TRPM3: variants seen among roughly 807,000 people sequenced by gnomAD.
TRPM3 encodes long transient receptor potential channel 3.
In TRPM3, 77 loss-of-function variants were observed where a neutral mutation model predicts 181.2. The observed-to-expected ratio is 0.42, with a 90% confidence interval of 0.35 to 0.51. The LOEUF (loss-of-function observed/expected upper bound fraction) is 0.51. Ranked by LOEUF, TRPM3 falls within the 20% of genes least tolerant of loss-of-function variation. The pLI is 0.01. For missense variants in TRPM3, 1,759 were observed against 2,196.7 expected (o/e 0.80, Z 3.98); for synonymous variants, 745 against 796.4 (o/e 0.94, Z 1.09).
chr9:71,354,583 C>T (rs1379263129), intron 1 of TRPM3, among the ~76,000 whole-genome samples: 6 of 152,212 alleles, frequency 3.9e-5, no homozygotes, highest in African/African-American at 1.4e-4. Context: ...AGCTTGTCAG[C>T]TTTTCAATTA....
At chr9:71,176,499 A>G (rs1477575092) in intron 1 of TRPM3, among the ~76,000 whole-genome samples, 1 of 152,212 alleles carries the variant, frequency 6.6e-6, no homozygotes, top group East Asian at 1.9e-4. Context: ...TTATTACAAA[A>G]GAGTCAGGAA....
intron 1 of TRPM3, among the ~76,000 whole-genome samples, chr9:71,117,665 C>T (rs1477097182): frequency 6.6e-6 from 1 of 152,138 alleles, no homozygotes; most frequent in African/African-American, 2.4e-5. Context: ...AGTGTCCAGG[C>T]TGACTTTTCC....
At chr9:71,367,657 G>C (rs745832828) in intron 1 of TRPM3, among the ~76,000 whole-genome samples, 1 of 152,032 alleles carries the variant, frequency 6.6e-6, no homozygotes, top group East Asian at 1.9e-4. Context: ...TAAGCTCATC[G>C]AAACCATCAA....
rs75709926 is a variant in TRPM3 at position 71,231,502 on chromosome 9, G to T, written c.183+215151C>A. ...CCTGCTGACCTACTTGAAGACTTTT[G>T]ACCTCCAGAATTCTGAGAGAACAGA... On this transcript the variant is annotated intron_variant, in intron 1 of 24. Coordinates refer to the TRPM3 transcript ENST00000357533. Among the ~76,000 whole-genome samples the T allele has an allele frequency of 4.6e-3, 701 of 152,214 alleles. 2 individuals carry two copies. Among genetic ancestry groups the T allele is most frequent in the Non-Finnish European group, 8.1e-3 (552 of 68,004 alleles).
chr9:71,067,116 G>A (rs2062031856), intron 1 of TRPM3, among the ~76,000 whole-genome samples: 1 of 152,062 alleles, frequency 6.6e-6, no homozygotes, highest in African/African-American at 2.4e-5. Flanking sequence ...TACCCCCACA[G>A]GCCTAAAACC....
In TRPM3 at chr9:70,529,451, G is replaced by A. The variant is rs551797047; in HGVS notation, c.*6502C>T. ...AGTCTAGGTCCTATATTATGAAATGGCTATGAGTACAGTATACTGCACGTA... is the reference window on the plus strand; with the variant it reads ...AGTCTAGGTCCTATATTATGAAATGACTATGAGTACAGTATACTGCACGTA... On this transcript the variant is annotated 3_prime_UTR_variant, in exon 26 of 26. Transcript: ENST00000677713. The A allele has an allele frequency of 6.6e-6, 1 of 152,232 alleles. No individual in the cohort carries two copies. Among genetic ancestry groups the A allele is most frequent in the African/African-American group, 2.4e-5 (1 of 41,550 alleles). 9.4% of individuals were successfully genotyped at this position (152,232 alleles called of 1,614,324 possible). A position where few individuals can be genotyped will look rare whatever the true frequency, so the allele number is the denominator to read the frequency against.
intron 1 of TRPM3, among the ~76,000 whole-genome samples, chr9:71,177,571 C>A (rs908117768): frequency 6.6e-6 from 1 of 152,012 alleles, no homozygotes. Context: ...TACGACTGTA[C>A]ATTAAAGACC....
intron 1 of TRPM3, among the ~76,000 whole-genome samples, chr9:71,128,883 C>T (rs1341887015): frequency 1.3e-5 from 2 of 152,168 alleles, no homozygotes; most frequent in Non-Finnish European, 2.9e-5. Context: ...TATACCTTCT[C>T]AAGCACCTTC....
chr9:70,643,397 C>T (rs774670763), intron 9 of TRPM3, among the ~76,000 whole-genome samples: 5 of 152,114 alleles, frequency 3.3e-5, no homozygotes, highest in Admixed American at 6.5e-5. Flanking sequence ...AATAGCAGCA[C>T]GAGCCTGAAC....
intron 18 of TRPM3, among the ~76,000 whole-genome samples, chr9:70,613,564 CA>C (rs1206475979): frequency 2.0e-5 from 3 of 152,224 alleles, no homozygotes; most frequent in Admixed American, 6.5e-5. Context: ...AGTGCCTGAG[CA>C]GTGACAGAAT....
chr9:70,681,953 G>C (rs1046031351), intron 8 of TRPM3, among the ~76,000 whole-genome samples: 2 of 152,116 alleles, frequency 1.3e-5, no homozygotes, highest in Admixed American at 1.3e-4. Context: ...TAAAATTAGT[G>C]CCATTATGAA....
At chr9:70,932,659 T>A (rs1232723921) in intron 1 of TRPM3, among the ~76,000 whole-genome samples, 2 of 152,160 alleles carry the variant, frequency 1.3e-5, no homozygotes, top group Non-Finnish European at 2.9e-5. Flanking sequence ...AGAAACAGCA[T>A]GTGCACAGAT....
intron 19 of TRPM3, among the ~76,000 whole-genome samples, chr9:70,604,475 A>G (rs1309097306): frequency 6.6e-6 from 1 of 152,234 alleles, no homozygotes; most frequent in Non-Finnish European, 1.5e-5. Flanking sequence ...TTTATTAACT[A>G]AAATCTGCTG....
chr9:71,428,562 G>A (rs2093908622), intron 1 of TRPM3, among the ~76,000 whole-genome samples: 1 of 151,978 alleles, frequency 6.6e-6, no homozygotes, highest in Admixed American at 6.6e-5. Flanking sequence ...TTTTGTTATT[G>A]TTCTTAGGAA....
intron 1 of TRPM3, among the ~76,000 whole-genome samples, chr9:71,215,726 T>A (rs761185104): frequency 2.0e-5 from 3 of 152,216 alleles, no homozygotes; most frequent in Non-Finnish European, 4.4e-5. Context: ...TGTGAGAAAT[T>A]GAAAATTTTC....
intron 1 of TRPM3, among the ~76,000 whole-genome samples, chr9:71,341,988 G>C (rs949052553): frequency 1.3e-5 from 2 of 151,712 alleles, no homozygotes; most frequent in Non-Finnish European, 2.9e-5. Flanking sequence ...ATGAGCAAAA[G>C]ACAGGAACAA....
intron 25 of TRPM3, among the ~76,000 whole-genome samples, chr9:70,546,890 G>T (rs564022531): frequency 6.6e-6 from 1 of 152,142 alleles, no homozygotes; most frequent in Non-Finnish European, 1.5e-5. Flanking sequence ...TCAGAATCAG[G>T]TTCCTATGAG....
At chr9:70,783,537 C>G (rs947864023) in intron 7 of TRPM3, among the ~76,000 whole-genome samples, 5 of 152,034 alleles carry the variant, frequency 3.3e-5, no homozygotes, top group Non-Finnish European at 5.9e-5. Context: ...CCTAACAGAC[C>G]AAGGAAAGGG....
At chr9:70,833,341 A>G (rs887289812) in intron 5 of TRPM3, among the ~76,000 whole-genome samples, 1 of 152,192 alleles carries the variant, frequency 6.6e-6, no homozygotes, top group African/African-American at 2.4e-5. Flanking sequence ...CCCAAACCTC[A>G]TTACCTACTG....
Sources: gnomAD v4.1 joint callset for allele counts (sites outside exome capture counted in the v4.1 genomes callset) on GRCh38, gnomAD v4.1.1 for gene constraint, MANE v1.5 for transcripts, NCBI Gene and HGNC (gene_info 2026-07-23, HGNC 2026-07-21) for gene names.